ZMYND8: variants seen among roughly 807,000 people sequenced by gnomAD.
ZMYND8 encodes the protein MYND-type zinc finger-containing chromatin reader ZMYND8.
ZMYND8 carries 37 observed loss-of-function variants against 140.8 expected under a neutral mutation model. The ratio of observed to expected loss-of-function variants is 0.26; its 90% CI spans 0.20 to 0.35. The LOEUF (loss-of-function observed/expected upper bound fraction) is 0.35, where lower values mean the gene tolerates loss of function less well. Among genes scored for constraint, ZMYND8 ranks in the 10% least tolerant of loss-of-function variants. The pLI, the probability that ZMYND8 is intolerant of heterozygous loss-of-function variation, is 1.00. For missense variants in ZMYND8, 1,068 were observed against 1,570.0 expected (o/e 0.68, Z 5.40); for synonymous variants, 592 against 597.1 (o/e 0.99, Z 0.12).
At chr20:47,232,114 T>C (rs1345274131) in intron 16 of ZMYND8, among the ~76,000 whole-genome samples, 5 of 152,312 alleles carry the variant, frequency 3.3e-5, no homozygotes, top group African/African-American at 1.2e-4. Context: ...CTCACGCCTA[T>C]AATCCCAGCA....
intron 18 of ZMYND8, among the ~76,000 whole-genome samples, chr20:47,224,913 T>TC (rs1360931417): frequency 1.3e-5 from 2 of 150,050 alleles, no homozygotes; most frequent in African/African-American, 5.0e-5. Flanking sequence ...ATAAGCCTTT[T>TC]CCCCCCTATC....
intron 22 of ZMYND8, among the ~76,000 whole-genome samples, chr20:47,211,193 C>A (rs1244456216): frequency 6.6e-6 from 1 of 152,162 alleles, no homozygotes; most frequent in Non-Finnish European, 1.5e-5. Flanking sequence ...ATTTCTTGTG[C>A]CGTGTCTGGA....
chr20:47,250,694 A>C (rs984104277), intron 12 of ZMYND8, among the ~76,000 whole-genome samples: 1 of 152,130 alleles, frequency 6.6e-6, no homozygotes, highest in Non-Finnish European at 1.5e-5. Flanking sequence ...TGACCCAACC[A>C]CTTTCCTGTT....
intron 3 of ZMYND8, among the ~76,000 whole-genome samples, chr20:47,300,181 C>T (rs1556075538): frequency 1.3e-5 from 2 of 152,092 alleles, no homozygotes; most frequent in Admixed American, 6.6e-5. Context: ...GAAACAAATA[C>T]GAAATCCTAT....
Position 47,307,040 on chromosome 20 carries a change from C to T in ZMYND8, c.234+3016G>A, listed in dbSNP as rs147825912. On this transcript the variant is annotated intron_variant, in intron 3 of 22. Coordinates refer to ENST00000471951, the MANE Select transcript of ZMYND8 (RefSeq NM_001281775.3). ...TATGGTCTGAATGCTTGTGTACCTC[C>T]CAAATTTCTATGTTGATGTTCTAAC... Among the ~76,000 whole-genome samples the T allele has an allele frequency of 5.6e-3, 859 of 152,138 alleles. 6 individuals carry two copies. Among genetic ancestry groups the T allele is most frequent in the African/African-American group, 0.02 (827 of 41,492 alleles).
At chr20:47,218,305 C>T (rs2036423988) in intron 21 of ZMYND8, among the ~76,000 whole-genome samples, 1 of 152,202 alleles carries the variant, frequency 6.6e-6, no homozygotes, top group Admixed American at 6.5e-5. Context: ...TCAATCAAGC[C>T]ACTTTGAGGC....
intron 12 of ZMYND8, among the ~76,000 whole-genome samples, chr20:47,251,391 G>A (rs146702871): frequency 1.2e-4 from 19 of 152,106 alleles, no homozygotes; most frequent in Non-Finnish European, 2.5e-4. Context: ...TTCGAGACCA[G>A]GCTGGGCAAC....
At chr20:47,337,077 C>G (rs1041544783) in intron 2 of ZMYND8, among the ~76,000 whole-genome samples, 5 of 151,414 alleles carry the variant, frequency 3.3e-5, no homozygotes, top group Non-Finnish European at 7.4e-5. Context: ...GCCAGCCAGG[C>G]ACGGTGGCTC....
At chr20:47,245,890 A>T in intron 14 of ZMYND8, 118 bp downstream of exon 14, 1 of 1,418,996 alleles carries the variant, frequency 7.0e-7, no homozygotes, top group Non-Finnish European at 9.5e-7. Flanking sequence ...TCAGTGTGTT[A>T]GAGGGTCACA....
Position 47,351,984 on chromosome 20 carries a change from T to C in ZMYND8, c.15-4058A>G, listed in dbSNP as rs891876410. On this transcript the variant is annotated intron_variant, in intron 1 of 22. Coordinates refer to ENST00000471951, the MANE Select transcript of ZMYND8 (RefSeq NM_001281775.3). ...GAGAGTTTGTGAAGTCACAGGTTCC[T>C]AAGGAAAAGCCTTCTCTTGTAGATC... The C allele has an allele frequency of 5.1e-6, 5 of 985,434 alleles. No homozygotes were observed. The East Asian group carries it at 3.4e-4, about 67-fold the overall frequency. 61.0% of individuals were successfully genotyped at this position (985,434 alleles called of 1,614,324 possible).
intron 2 of ZMYND8, among the ~76,000 whole-genome samples, chr20:47,344,452 G>A (rs749072420): frequency 2.6e-5 from 4 of 152,042 alleles, no homozygotes; most frequent in Non-Finnish European, 2.9e-5. Flanking sequence ...CAAAATACCC[G>A]ACCAGTATTC....
At position 47,310,110 on chromosome 20, in the gene ZMYND8, G is replaced by T. The variant is rs199799756; in HGVS notation, c.180C>A (p.Ser60Arg). The change falls in exon 3 of 23, where the codon AGC (serine) becomes AGA (arginine). Residue 60 changes from serine (S) to arginine (R), a missense_variant. Physicochemically the swap from Ser to Arg is moderately radical, Grantham distance 110 (BLOSUM62 -1). Around this residue, in one of 10 missense-constraint regions of ZMYND8, gnomAD observed 77 missense variants for 85.1 expected, o/e 0.91. Coordinates refer to ENST00000471951, the MANE Select transcript of ZMYND8 (RefSeq NM_001281775.3). The stretch of plus-strand genomic sequence containing the variant: ...CAGGTTTCTTTTTCTTTTTAATGGG[G>T]CTTGTTGATGTGTCCTGCGGCGAGT... ...NGHSPQDTSTSPIKKKKKPGL... is the reference protein window; with the variant it reads ...NGHSPQDTSTRPIKKKKKPGL... 1.2e-6 allele frequency: 2 copies of T among 1,614,022 alleles called. No individual in the cohort carries two copies. The highest frequency in any genetic ancestry group is 3.3e-5 in the Admixed American group (2 of 59,994).
chr20:47,330,711 G>T (rs1020109185), intron 2 of ZMYND8, among the ~76,000 whole-genome samples: 1 of 152,106 alleles, frequency 6.6e-6, no homozygotes, highest in Non-Finnish European at 1.5e-5. Context: ...ACTTGAGCTG[G>T]GTAATAATCT....
intron 2 of ZMYND8, among the ~76,000 whole-genome samples, chr20:47,343,763 C>T (rs1221632085): frequency 6.6e-6 from 1 of 152,146 alleles, no homozygotes; most frequent in Non-Finnish European, 1.5e-5. Context: ...TCCCAAAGTG[C>T]TGGGATTACA....
chr20:47,337,752 G>C (rs190914625), intron 2 of ZMYND8, among the ~76,000 whole-genome samples: 180 of 152,172 alleles, frequency 1.2e-3, no homozygotes, highest in African/African-American at 4.1e-3. Flanking sequence ...TCTTTCAGCA[G>C]GATCATTACC....
intron 2 of ZMYND8, among the ~76,000 whole-genome samples, chr20:47,347,069 G>A (rs1456178970): frequency 1.3e-5 from 2 of 152,196 alleles, no homozygotes; most frequent in South Asian, 4.1e-4. Context: ...GCAAGGCTGT[G>A]TGTTCCAAGA....
chr20:47,250,935 A>G (rs1471467528), intron 12 of ZMYND8, among the ~76,000 whole-genome samples: 1 of 152,160 alleles, frequency 6.6e-6, no homozygotes, highest in Non-Finnish European at 1.5e-5. Context: ...AGGCTGAGGC[A>G]GGAGAATGGC....
In ZMYND8 at chr20:47,311,377, G is replaced by A. The variant is rs554289510; in HGVS notation, c.86-1173C>T. 4.6e-5 allele frequency among the ~76,000 whole-genome samples: 7 copies of A among 152,312 alleles called. No individual in the cohort carries two copies. In the East Asian group the frequency reaches 1.2e-3, roughly 25 times the overall value. On this transcript the variant is annotated intron_variant, in intron 2 of 22. Coordinates refer to ENST00000471951, the MANE Select transcript of ZMYND8 (RefSeq NM_001281775.3). The stretch of plus-strand genomic sequence containing the variant: ...ATAAACCCCAGCACCTTGGGAGGCC[G>A]AGGCAGGCGGATCACCTGAGGTCAC...
At chr20:47,307,815 G>A (rs1215482859) in intron 3 of ZMYND8, among the ~76,000 whole-genome samples, 4 of 151,654 alleles carry the variant, frequency 2.6e-5, no homozygotes, top group African/African-American at 9.7e-5. Context: ...CAACAAGAGT[G>A]AAACTCCATC....
Sources: gnomAD v4.1 joint callset for allele counts (sites outside exome capture counted in the v4.1 genomes callset) on GRCh38, gnomAD v4.1.1 for gene constraint, gnomAD v4.1.1 regional missense constraint, MANE v1.5 for transcripts, NCBI Gene and HGNC (gene_info 2026-07-23, HGNC 2026-07-21) for gene names.